Variants in PODXL observed in about 807,000 individuals in gnomAD.
The protein encoded by PODXL is podocalyxin.
In PODXL, 20 loss-of-function variants were observed where a neutral mutation model predicts 48.9. The ratio of observed to expected loss-of-function variants is 0.41; its 90% CI spans 0.29 to 0.59. The LOEUF (loss-of-function observed/expected upper bound fraction) is 0.59. Among genes scored for constraint, PODXL ranks in the 20% least tolerant of loss-of-function variants. The probability of loss-of-function intolerance (pLI) is 0.31; values close to 1 mark genes in which losing one functional copy is unlikely to be tolerated. For synonymous variants in PODXL, 295 were observed against 287.4 expected (o/e 1.03, Z -0.27); for missense variants, 606 against 675.1 (o/e 0.90, Z 1.13).
chr7:131,538,793 C>A (rs1251217502), intron 1 of PODXL, among the ~76,000 whole-genome samples: 1 of 152,200 alleles, frequency 6.6e-6, no homozygotes, highest in Admixed American at 6.5e-5. Context: ...CGTCCCCATG[C>A]CGAGCCCCTG....
chr7:131,524,249 T>G (rs536419215), intron 1 of PODXL, among the ~76,000 whole-genome samples: 213 of 152,144 alleles, frequency 1.4e-3, no homozygotes, highest in Non-Finnish European at 2.7e-3. Flanking sequence ...GGGAAGAGAT[T>G]GAATGCTTTG....
At chr7:131,526,646 T>G (rs887508861) in intron 1 of PODXL, among the ~76,000 whole-genome samples, 1 of 151,758 alleles carries the variant, frequency 6.6e-6, no homozygotes. Context: ...TATGAAGTAG[T>G]GTAAATTGGT....
chr7:131,544,211 T>C (rs573468067), intron 1 of PODXL, among the ~76,000 whole-genome samples: 181 of 152,284 alleles, frequency 1.2e-3, no homozygotes, highest in African/African-American at 4.2e-3. Flanking sequence ...CAGCCCTGTG[T>C]ACATGTGGCG....
At position 131,532,448 on chromosome 7, in the gene PODXL, A is replaced by AT. The variant is rs1291129871; in HGVS notation, c.101-21016_101-21015insA. 8.9e-3 allele frequency among the ~76,000 whole-genome samples: 1,271 copies of AT among 143,136 alleles called. 31 individuals carry two copies. The highest frequency in any genetic ancestry group is 0.029 in the African/African-American group (1,122 of 38,758). 93.9% of individuals were successfully genotyped at this position (143,136 alleles called of 152,430 possible). ...AAGACTCCGTCTCAAAAAAAAAAAAAAAATTAAAAATAAATAATAATAATA... is the reference window on the plus strand; with the variant it reads ...AAGACTCCGTCTCAAAAAAAAAAAAATAAATTAAAAATAAATAATAATAATA... On this transcript the variant is annotated intron_variant, in intron 1 of 8. Coordinates refer to ENST00000378555, the MANE Select transcript of PODXL (RefSeq NM_001018111.3).
intron 7 of PODXL, 90 bp from the exon 8 acceptor site, chr7:131,506,125 C>T: frequency 1.3e-6 from 2 of 1,554,696 alleles, no homozygotes; most frequent in Non-Finnish European, 1.8e-6. Flanking sequence ...TTGCAGTCTG[C>T]TAGGGTCCGT....
Position 131,504,009 on chromosome 7 carries a change from T to C in PODXL, c.*302A>G. The stretch of plus-strand genomic sequence containing the variant: ...CCTCTTCAGGTCTCGGCAATCTCAC[T>C]GCAGAATGAAGGGATTCCACTAGTT... On this transcript the variant is annotated 3_prime_UTR_variant, in exon 9 of 9. Transcript: ENST00000378555. 1 of 425,482 alleles carries C rather than the reference T, an allele frequency of 2.4e-6. No homozygotes were observed. The highest frequency in any genetic ancestry group is 2.5e-5 in the South Asian group (1 of 40,808). 26.4% of individuals were successfully genotyped at this position (425,482 alleles called of 1,614,324 possible). A position where few individuals can be genotyped will look rare whatever the true frequency, so the allele number is the denominator to read the frequency against.
intron 1 of PODXL, among the ~76,000 whole-genome samples, chr7:131,517,846 C>G (rs112969467): frequency 0.052 from 7,986 of 152,144 alleles, 302 homozygotes; most frequent in Non-Finnish European, 0.074. Flanking sequence ...TCAAGCAATT[C>G]TCCTGCCTCA....
chr7:131,507,561 T>C (rs1797829734), intron 5 of PODXL, among the ~76,000 whole-genome samples: 1 of 151,844 alleles, frequency 6.6e-6, no homozygotes, highest in South Asian at 2.1e-4. Context: ...ACAGAACCCA[T>C]ACAAACCACC....
At position 131,551,936 on chromosome 7, in the gene PODXL, C is replaced by CAA. The variant is rs34250804; in HGVS notation, c.100+4322_100+4323dup. ...TGGGTGACAGAACGAGACTCCATCT[C>CAA]AAAAAAAAAAAAAACAGTGAAGGGC... On this transcript the variant is annotated intron_variant, in intron 1 of 8. Coordinates refer to ENST00000378555, the MANE Select transcript of PODXL (RefSeq NM_001018111.3). Among the ~76,000 whole-genome samples, 728 of 128,492 alleles carry CAA rather than the reference C, an allele frequency of 5.7e-3. 5 individuals carry two copies. Among genetic ancestry groups the CAA allele is most frequent in the African/African-American group, 0.017 (616 of 35,868 alleles). The allele number at this position is 128,492 out of a possible 152,430, so 84.3% of individuals were successfully genotyped here. A position where few individuals can be genotyped will look rare whatever the true frequency, so the allele number is the denominator to read the frequency against.
Position 131,506,023 on chromosome 7 carries a change from C to G in PODXL, c.1324G>C (p.Asp442His). ...GGCCCCTGGTCCCCTAGCTTCATGT[C>G]ACTGACCCCTGCCTGCATGGGAAGT... ...WDELKEAGVS[D>H]MKLGDQGPPE... The change falls in exon 8 of 9, where the codon GAC becomes CAC. Residue 442 changes from aspartate to histidine, a missense_variant. Transcript: ENST00000378555. The G allele has an allele frequency of 6.2e-7, 1 of 1,611,968 alleles. No homozygotes were observed. The highest frequency in any genetic ancestry group is 8.5e-7 in the Non-Finnish European group (1 of 1,179,104).
chr7:131,511,645 G>A (rs1290122714), intron 1 of PODXL, among the ~76,000 whole-genome samples: 1 of 151,790 alleles, frequency 6.6e-6, no homozygotes, highest in Non-Finnish European at 1.5e-5. Flanking sequence ...TGTGGAGAAT[G>A]GGGTCTTGCT....
rs554271900 is a variant in PODXL at position 131,540,030 on chromosome 7, C to A, written c.100+16230G>T. Among the ~76,000 whole-genome samples, 93 of 152,098 alleles carry A rather than the reference C, an allele frequency of 6.1e-4. 1 individual carries two copies. The highest frequency in any genetic ancestry group is 3.4e-3 in the Middle Eastern group (1 of 294). ...TCTCCAGCACCCTCTGAGGACACAC[C>A]TTTAGTACCTTTTAATTTTTAATCT... is the stretch of plus-strand genomic sequence containing the variant. On this transcript the variant is annotated intron_variant, in intron 1 of 8. Transcript: ENST00000378555.
intron 1 of PODXL, among the ~76,000 whole-genome samples, chr7:131,540,818 C>G (rs1319962606): frequency 6.6e-6 from 1 of 152,302 alleles, no homozygotes; most frequent in East Asian, 1.9e-4. Context: ...AAACAAGGGC[C>G]CCGAGCCAGA....
chr7:131,501,686 T>C lies in PODXL; in HGVS notation c.*2625A>G, dbSNP rs1797705999. ...AGAGCTGATGATAAACTGTCTTTGC[T>C]ACAACCTGTTTAAGTCATGCTGAGC... On this transcript the variant is annotated 3_prime_UTR_variant, in exon 9 of 9. Transcript: ENST00000378555. 1 of 152,232 alleles carries C rather than the reference T, an allele frequency of 6.6e-6. No individual in the cohort carries two copies. 9.4% of individuals were successfully genotyped at this position (152,232 alleles called of 1,614,324 possible).
At chr7:131,514,101 G>C (rs897664252) in intron 1 of PODXL, among the ~76,000 whole-genome samples, 1 of 152,128 alleles carries the variant, frequency 6.6e-6, no homozygotes, top group Non-Finnish European at 1.5e-5. Flanking sequence ...AGTATGAAAG[G>C]CACACTCACC....
intron 1 of PODXL, among the ~76,000 whole-genome samples, chr7:131,542,663 G>A (rs1186272318): frequency 2.0e-5 from 3 of 152,040 alleles, no homozygotes; most frequent in Admixed American, 6.5e-5. Context: ...TCTCAACGAC[G>A]ACAACAGCAA....
rs757301697 is a variant in PODXL at position 131,511,313 on chromosome 7, A to T, written c.221T>A (p.Ile74Asn). ...STVPTSKANE[I>N]LASVKATTLG... ...GGTGGTCGCCTTGACCGAGGCCAAG[A>T]TTTCGTTGGCCTTGGAAGTGGGGAC... Residue 74 changes from isoleucine (I) to asparagine (N), a missense_variant, in exon 2 of 9, where the codon ATC becomes AAC. Transcript: ENST00000378555. 4 of 1,613,144 alleles carry T rather than the reference A, an allele frequency of 2.5e-6. No individual in the cohort carries two copies. The South Asian group carries it at 4.4e-5, about 18-fold the overall frequency.
Position 131,503,926 on chromosome 7 carries a change from C to A in PODXL, c.*385G>T, listed in dbSNP as rs1584805136. 1 of 282,280 alleles carries A rather than the reference C, an allele frequency of 3.5e-6. No individual in the cohort carries two copies. Among genetic ancestry groups the A allele is most frequent in the East Asian group, 1.0e-4 (1 of 9,862 alleles). The allele number at this position is 282,280 out of a possible 1,614,324, so 17.5% of individuals were successfully genotyped here. On this transcript the variant is annotated 3_prime_UTR_variant, in exon 9 of 9. Coordinates refer to ENST00000378555, the MANE Select transcript of PODXL (RefSeq NM_001018111.3). ...CAGTGTGGCATGGTGCAAATGGAATCTTTGTTCTCATCCTGGCTCTGTCAC... is the reference window on the plus strand; with the variant it reads ...CAGTGTGGCATGGTGCAAATGGAATATTTGTTCTCATCCTGGCTCTGTCAC...
intron 1 of PODXL, among the ~76,000 whole-genome samples, chr7:131,545,036 T>C (rs1307988794): frequency 6.6e-6 from 1 of 152,120 alleles, no homozygotes; most frequent in Non-Finnish European, 1.5e-5. Context: ...ACCGTGATGC[T>C]GTCAGGGTCA....
Sources: allele counts gnomAD v4.1 joint callset (sites outside exome capture counted in the v4.1 genomes callset), GRCh38; gene constraint gnomAD v4.1.1; transcripts MANE v1.5; gene names NCBI Gene and HGNC (gene_info 2026-07-23, HGNC 2026-07-21).